The following GPR149 variants were observed in gnomAD, a reference collection of about 807,000 sequenced individuals.
GPR149 encodes the protein G protein-coupled receptor 149, also known as probable G protein-coupled receptor 149.
GPR149 carries 50 observed loss-of-function variants against 50.2 expected under a neutral mutation model. The ratio of observed to expected loss-of-function variants is 1.00; its 90% CI spans 0.79 to 1.26. The LOEUF is 1.26. Ranked by LOEUF, GPR149 falls within the 50% of genes most tolerant of loss-of-function variation. The pLI is 0.00. For missense variants in GPR149, 983 were observed against 895.4 expected (o/e 1.10, Z -1.25); for synonymous variants, 405 against 358.2 (o/e 1.13, Z -1.48).
At chr3:154,400,188 G>A (rs1440786184) in intron 3 of GPR149, among the ~76,000 whole-genome samples, 7 of 151,962 alleles carry the variant, frequency 4.6e-5, no homozygotes, top group South Asian at 4.2e-4. Flanking sequence ...GGGTTTCACC[G>A]TGTTAGCCAG....
chr3:154,341,342 A>ATATATAT (rs1713796853), intron 3 of GPR149, among the ~76,000 whole-genome samples: 1 of 87,482 alleles, frequency 1.1e-5, no homozygotes, highest in South Asian at 3.6e-4. Flanking sequence ...TATATATATA[A>ATATATAT]AATGAGTAGG....
intron 3 of GPR149, among the ~76,000 whole-genome samples, chr3:154,419,105 G>A (rs1291628391): frequency 1.3e-5 from 2 of 151,880 alleles, no homozygotes; most frequent in Non-Finnish European, 2.9e-5. Context: ...ATTTTTCATA[G>A]CGACCATTTC....
At chr3:154,365,944 A>G (rs1055853170) in intron 3 of GPR149, among the ~76,000 whole-genome samples, 3 of 152,220 alleles carry the variant, frequency 2.0e-5, no homozygotes, top group Admixed American at 6.5e-5. Flanking sequence ...CTCCATTCAC[A>G]GCAATCTAGG....
Position 154,337,699 on chromosome 3 carries a change from C to A in GPR149, c.2196G>T (p.Ter732TyrextTer17), listed in dbSNP as rs1238435601. ...TTGCTCCTGTTAGACCAAATACCCA[C>A]TAACTACCCTTGCTTTCTTCCTCTC... is the stretch of plus-strand genomic sequence containing the variant. ...RKREEESKGS* is the reference protein window; with the variant it reads ...RKREEESKGSY The change falls in exon 4 of 4, where the codon TAG becomes TAT. Residue 732 changes from the stop codon to tyrosine (Y), a stop_lost. Transcript: ENST00000389740. 3.2e-6 allele frequency: 5 copies of A among 1,585,212 alleles called. No individual in the cohort carries two copies. The highest frequency in any genetic ancestry group is 4.3e-6 in the Non-Finnish European group (5 of 1,165,872).
rs1712377959 is a variant in GPR149, at chr3:154,428,678, AAAGCG to A, written c.933_937del (p.Ala312AspfsTer85). ...GACGACTTTTGTAAGCGCTAGGATC[AAAGCG>A]AAGCGCTTCTGCGCTACGCTCACGG... On this transcript the variant is annotated frameshift_variant, in exon 1 of 4. Transcript: ENST00000389740. LOFTEE classifies it high-confidence loss of function. The A allele has an allele frequency of 3.7e-6, 6 of 1,613,916 alleles. No homozygotes were observed. In the East Asian group the frequency reaches 1.3e-4, roughly 36 times the overall value.
At chr3:154,346,771 A>C (rs1159905774) in intron 3 of GPR149, among the ~76,000 whole-genome samples, 1 of 151,782 alleles carries the variant, frequency 6.6e-6, no homozygotes, top group Non-Finnish European at 1.5e-5. Context: ...AAATTTTTGT[A>C]TTTTTAGTAG....
intron 3 of GPR149, among the ~76,000 whole-genome samples, chr3:154,372,799 A>T (rs1714695165): frequency 6.6e-6 from 1 of 152,198 alleles, no homozygotes; most frequent in Non-Finnish European, 1.5e-5. Context: ...GCAGAGAAAG[A>T]GGAGTTAAGA....
At chr3:154,345,722 A>G (rs1439136867) in intron 3 of GPR149, among the ~76,000 whole-genome samples, 1 of 152,220 alleles carries the variant, frequency 6.6e-6, no homozygotes, top group Non-Finnish European at 1.5e-5. Flanking sequence ...GGGTGAAATT[A>G]TAATATAAAA....
At chr3:154,350,201 TA>T (rs983292586) in intron 3 of GPR149, among the ~76,000 whole-genome samples, 2 of 151,034 alleles carry the variant, frequency 1.3e-5, no homozygotes, top group Non-Finnish European at 3.0e-5. Flanking sequence ...GTCTCAAAAA[TA>T]AAAAAGAAAA....
At chr3:154,339,329 C>G (rs952662209) in intron 3 of GPR149, among the ~76,000 whole-genome samples, 1 of 152,086 alleles carries the variant, frequency 6.6e-6, no homozygotes, top group Admixed American at 6.5e-5. Flanking sequence ...ATCCATTGCT[C>G]TAACTAAAGA....
chr3:154,419,189 T>C (rs1712070656), intron 3 of GPR149, among the ~76,000 whole-genome samples: 1 of 152,070 alleles, frequency 6.6e-6, no homozygotes, highest in Non-Finnish European at 1.5e-5. Context: ...TATTTATAGC[T>C]GAAAGATACC....
At chr3:154,380,934 A>T (rs701125) in intron 3 of GPR149, among the ~76,000 whole-genome samples, 117,378 of 152,098 alleles carry the variant, frequency 0.77, 46,247 homozygotes, top group Middle Eastern at 0.91. Flanking sequence ...AGCAGATATT[A>T]TGCTCAAAAC....
At chr3:154,354,376 G>A (rs1047405820) in intron 3 of GPR149, 6 of 208,560 alleles carry the variant, frequency 2.9e-5, no homozygotes, top group Non-Finnish European at 3.8e-5. Flanking sequence ...AGGTCAGGGG[G>A]TAGATTCTGC....
chr3:154,361,426 T>G (rs1298341456), intron 3 of GPR149, among the ~76,000 whole-genome samples: 1 of 152,234 alleles, frequency 6.6e-6, no homozygotes, highest in African/African-American at 2.4e-5. Flanking sequence ...GATGTTTCTT[T>G]GTAACCTGAT....
chr3:154,378,248 T>A (rs748821977), intron 3 of GPR149, among the ~76,000 whole-genome samples: 18 of 151,648 alleles, frequency 1.2e-4, no homozygotes, highest in Admixed American at 2.0e-4. Context: ...ACACCTGGCT[T>A]ATTATTATTA....
chr3:154,364,756 TG>T (rs905649121), intron 3 of GPR149, among the ~76,000 whole-genome samples: 1 of 152,228 alleles, frequency 6.6e-6, no homozygotes, highest in South Asian at 2.1e-4. Context: ...CCAAAGGCCC[TG>T]GGGGATCCCA....
chr3:154,379,683 C>A (rs1233140442), intron 3 of GPR149, among the ~76,000 whole-genome samples: 1 of 152,080 alleles, frequency 6.6e-6, no homozygotes, highest in African/African-American at 2.4e-5. Flanking sequence ...TGTCCCAGCA[C>A]CATTTGTTGA....
At chr3:154,362,048 T>A (rs568896316) in intron 3 of GPR149, among the ~76,000 whole-genome samples, 1 of 152,064 alleles carries the variant, frequency 6.6e-6, no homozygotes, top group Admixed American at 6.5e-5. Flanking sequence ...ACTTAGAATA[T>A]CCTAAAAAAG....
chr3:154,409,115 C>A (rs1390695110), intron 3 of GPR149, among the ~76,000 whole-genome samples: 1 of 152,128 alleles, frequency 6.6e-6, no homozygotes, highest in African/African-American at 2.4e-5. Flanking sequence ...GTGGCTAGAC[C>A]CAGAAGAGCA....
Sources: gnomAD v4.1 joint callset for allele counts (sites outside exome capture counted in the v4.1 genomes callset) on GRCh38, gnomAD v4.1.1 for gene constraint, MANE v1.5 for transcripts, NCBI Gene and HGNC (gene_info 2026-07-23, HGNC 2026-07-21) for gene names.